RSBN1: variants seen among roughly 807,000 people sequenced by gnomAD.
RSBN1 encodes the protein round spermatid basic protein 1.
RSBN1 carries 23 observed loss-of-function variants against 74.8 expected under a neutral mutation model. The observed-to-expected ratio is 0.31, with a 90% confidence interval of 0.22 to 0.44. RSBN1 has a LOEUF of 0.44. RSBN1 is among the 20% of genes least tolerant of loss of function. The pLI is 1.00. For synonymous variants in RSBN1, 407 were observed against 379.6 expected, an observed-to-expected ratio of 1.07 and a Z score of -0.84; for missense variants, 808 against 1,020.9, an observed-to-expected ratio of 0.79 and a Z score of 2.84.
At chr1:113,777,479 A>G in intron 3 of RSBN1, 127 bp from the exon 4 acceptor site, 1 of 961,672 alleles carries the variant, frequency 1.0e-6, no homozygotes, top group Non-Finnish European at 1.5e-6. Flanking sequence ...AATGCTATTT[A>G]CATAGTAATT....
chr1:113,773,062 C>CA (rs1482729148), intron 4 of RSBN1, among the ~76,000 whole-genome samples: 1 of 149,740 alleles, frequency 6.7e-6, no homozygotes, highest in African/African-American at 2.5e-5. Context: ...AGCTGAAAGC[C>CA]AAAAAAAGAT....
intron 1 of RSBN1, among the ~76,000 whole-genome samples, chr1:113,806,830 G>A (rs1412389643): frequency 9.3e-6 from 1 of 107,234 alleles, no homozygotes; most frequent in African/African-American, 3.9e-5. Flanking sequence ...GAGAGACCCT[G>A]CCTCTATCAA....
chr1:113,810,017 CAT>C (rs1175163169), intron 1 of RSBN1, among the ~76,000 whole-genome samples: 4 of 152,126 alleles, frequency 2.6e-5, no homozygotes, highest in South Asian at 2.1e-4. Flanking sequence ...AATTATTACA[CAT>C]GTTATTGCCA....
chr1:113,807,508 C>T (rs912849080), intron 1 of RSBN1, among the ~76,000 whole-genome samples: 6 of 151,786 alleles, frequency 4.0e-5, no homozygotes, highest in African/African-American at 1.2e-4. Flanking sequence ...GCCTGAAATC[C>T]CAGCACTTTG....
chr1:113,776,481 A>T (rs1023622309), intron 4 of RSBN1, among the ~76,000 whole-genome samples: 1 of 152,164 alleles, frequency 6.6e-6, no homozygotes, highest in Non-Finnish European at 1.5e-5. Context: ...AGCTAGGACT[A>T]AAGGCATATG....
intron 1 of RSBN1, among the ~76,000 whole-genome samples, chr1:113,807,823 AC>A (rs1474618073): frequency 1.1e-4 from 17 of 151,166 alleles, no homozygotes; most frequent in Non-Finnish European, 2.1e-4. Flanking sequence ...ACACACACAC[AC>A]ACAAAATTCA....
chr1:113,771,487 C>T (rs910198420), intron 4 of RSBN1, among the ~76,000 whole-genome samples: 36 of 151,114 alleles, frequency 2.4e-4, no homozygotes, highest in African/African-American at 7.8e-4. Flanking sequence ...ACACAGAGTT[C>T]CAAAAGATAT....
chr1:113,810,459 C>G (rs1027353281), intron 1 of RSBN1, among the ~76,000 whole-genome samples: 8 of 151,542 alleles, frequency 5.3e-5, no homozygotes, highest in Non-Finnish European at 1.0e-4. Context: ...AAAAAGAGAG[C>G]AAGATCATTG....
intron 1 of RSBN1, among the ~76,000 whole-genome samples, chr1:113,798,696 A>G (rs1660521313): frequency 6.6e-6 from 1 of 152,350 alleles, no homozygotes; most frequent in African/African-American, 2.4e-5. Context: ...AGTAAAAGTT[A>G]TCTAAGAAAA....
intron 1 of RSBN1, among the ~76,000 whole-genome samples, chr1:113,803,477 A>G (rs902029194): frequency 6.6e-6 from 1 of 152,242 alleles, no homozygotes; most frequent in African/African-American, 2.4e-5. Flanking sequence ...ATGAGATAGC[A>G]TATCTTTTTG....
intron 2 of RSBN1, among the ~76,000 whole-genome samples, chr1:113,786,332 C>T (rs1660242890): frequency 6.6e-6 from 1 of 152,164 alleles, no homozygotes; most frequent in African/African-American, 2.4e-5. Context: ...TTCCAAAGAA[C>T]CTAACCCCTA....
rs1434843348 is a variant in RSBN1 at position 113,763,940 on chromosome 1, T to C, written c.*2040A>G. 6.6e-6 allele frequency: 1 copy of C among 151,642 alleles called. No homozygotes were observed. The highest frequency in any genetic ancestry group is 1.5e-5 in the Non-Finnish European group (1 of 67,836). 9.4% of individuals were successfully genotyped at this position (151,642 alleles called of 1,614,324 possible). ...TCGGATCTTGGAAGACAAGAAAAAA[T>C]TAAAAAAAAAAAATTTTTGCTTTAA... On this transcript the variant is annotated 3_prime_UTR_variant, in exon 7 of 7. Coordinates refer to ENST00000261441, the MANE Select transcript of RSBN1 (RefSeq NM_018364.5).
intron 5 of RSBN1, 57 bp downstream of exon 5, chr1:113,768,165 G>T (rs2101790064): frequency 7.1e-7 from 1 of 1,416,856 alleles, no homozygotes; most frequent in Non-Finnish European, 9.5e-7. Flanking sequence ...TTTAAATAGA[G>T]TCCACATTGT....
At chr1:113,772,711 A>G (rs1370392261) in intron 4 of RSBN1, among the ~76,000 whole-genome samples, 1 of 152,214 alleles carries the variant, frequency 6.6e-6, no homozygotes, top group Non-Finnish European at 1.5e-5. Context: ...TGATTCATTC[A>G]ATTCTAATTC....
At chr1:113,787,647 A>G (rs1298672374) in intron 2 of RSBN1, among the ~76,000 whole-genome samples, 1 of 152,202 alleles carries the variant, frequency 6.6e-6, no homozygotes, top group Non-Finnish European at 1.5e-5. Context: ...GCAGGGAATT[A>G]AGCAAAATCC....
chr1:113,797,243 A>C (rs1660490090), intron 2 of RSBN1, 120 bp downstream of exon 2: 1 of 798,962 alleles, frequency 1.3e-6, no homozygotes, highest in African/African-American at 1.8e-5. Flanking sequence ...AACAATTTGA[A>C]GCACCTTTAT....
Position 113,812,192 on chromosome 1 carries a change from T to A in RSBN1, c.221A>T (p.Glu74Val), listed in dbSNP as rs1324648645. 2 of 1,608,432 alleles carry A rather than the reference T, an allele frequency of 1.2e-6. No homozygotes were observed. Among genetic ancestry groups the A allele is most frequent in the Non-Finnish European group, 1.7e-6 (2 of 1,179,838 alleles). Residue 74 changes from glutamate (E) to valine (V), a missense_variant, in exon 1 of 7, where the codon GAG becomes GTG. Physicochemically the swap from Glu to Val is moderately radical, Grantham distance 121. This residue lies in a region of RSBN1 where 464 missense variants were observed against 401.0 expected (regional missense o/e 1.16). Coordinates refer to ENST00000261441, the MANE Select transcript of RSBN1 (RefSeq NM_018364.5). ...AQEEPDKEGK[E>V]KPHAGVSPRG... ...CGGGGAGACCCCAGCATGAGGTTTC[T>A]CCTTCCCCTCTTTGTCCGGCTCCTC...
chr1:113,766,526 G>A, intron 6 of RSBN1, 73 bp from the exon 7 acceptor site: 3 of 905,096 alleles, frequency 3.3e-6, no homozygotes, highest in Middle Eastern at 2.4e-4. Context: ...ATTAGCAAAG[G>A]AAAACAGTAG....
intron 2 of RSBN1, among the ~76,000 whole-genome samples, chr1:113,781,615 C>T (rs975547546): frequency 6.6e-6 from 1 of 152,154 alleles, no homozygotes; most frequent in African/African-American, 2.4e-5. Flanking sequence ...CAAATGCCTC[C>T]TGGGCAGCCC....
Sources: gnomAD v4.1 joint callset for allele counts (sites outside exome capture counted in the v4.1 genomes callset) on GRCh38, gnomAD v4.1.1 for gene constraint, gnomAD v4.1.1 regional missense constraint, MANE v1.5 for transcripts, NCBI Gene and HGNC (gene_info 2026-07-23, HGNC 2026-07-21) for gene names.